COL22A1: variants seen among roughly 807,000 people sequenced by gnomAD.
COL22A1 encodes collagen type XXII alpha 1 chain.
In COL22A1, 221 loss-of-function variants were observed where a neutral mutation model predicts 248.9. The observed-to-expected ratio is 0.89, with a 90% confidence interval of 0.80 to 0.99. The LOEUF (loss-of-function observed/expected upper bound fraction) is 0.99. Ranked by LOEUF, COL22A1 falls within the 50% of genes least tolerant of loss-of-function variation. COL22A1 has a pLI of 0.00. For missense variants in COL22A1, 2,240 were observed against 2,179.0 expected, an observed-to-expected ratio of 1.03 and a Z score of -0.56; for synonymous variants, 891 against 793.4, an observed-to-expected ratio of 1.12 and a Z score of -2.07.
Position 138,589,327 on chromosome 8 carries a change from C to T in COL22A1, c.4807G>A (p.Gly1603Ser). ...PGLPGPPGPP[G>S]QCDPSQCAYF... ...GCACACTGGGAAGGGTCACATTGGC[C>T]TGGGGGACCGGGAGGTCCTGGGAGG... The change falls in exon 65 of 65, where the codon GGC (glycine) becomes AGC (serine). Residue 1603 changes from glycine to serine, a missense_variant. Transcript: ENST00000303045. The T allele has an allele frequency of 6.2e-7, 1 of 1,613,206 alleles. No individual in the cohort carries two copies. The highest frequency in any genetic ancestry group is 8.5e-7 in the Non-Finnish European group (1 of 1,179,590).
intron 5 of COL22A1, among the ~76,000 whole-genome samples, chr8:138,831,169 C>G (rs574066307): frequency 1.3e-5 from 2 of 152,104 alleles, no homozygotes; most frequent in South Asian, 4.1e-4. Flanking sequence ...GTGGCTGGCA[C>G]TCAGAGAATG....
intron 3 of COL22A1, among the ~76,000 whole-genome samples, chr8:138,845,544 T>TA (rs545433861): frequency 1.3e-5 from 2 of 150,750 alleles, no homozygotes; most frequent in Admixed American, 6.6e-5. Context: ...AATAAATAAA[T>TA]AATAAAAAGT....
intron 32 of COL22A1, among the ~76,000 whole-genome samples, chr8:138,697,747 C>T (rs2130953467): frequency 6.6e-6 from 1 of 152,352 alleles, no homozygotes; most frequent in South Asian, 2.1e-4. Flanking sequence ...TCTTCCTGCA[C>T]TGCAGGGGCT....
Position 138,615,990 on chromosome 8 carries a change from A to AC in COL22A1, c.3924+10dup, listed in dbSNP as rs772132477. Reference sequence around the variant, plus strand: ...CCCCAGCCCAGCCAGGTCCCACAGGACCCCACTTACATCTTTTCCTGGTAA... The same window carrying AC: ...CCCCAGCCCAGCCAGGTCCCACAGGACCCCCACTTACATCTTTTCCTGGTAA... On this transcript the variant is annotated intron_variant, in intron 55 of 64. Transcript: ENST00000303045. 20 of 1,608,674 alleles carry AC rather than the reference A, an allele frequency of 1.2e-5. No homozygotes were observed. In the African/African-American group the frequency reaches 1.7e-4, roughly 14 times the overall value.
At chr8:138,831,827 G>A (rs191402455) in intron 5 of COL22A1, among the ~76,000 whole-genome samples, 15 of 152,258 alleles carry the variant, frequency 9.9e-5, no homozygotes, top group East Asian at 5.8e-4. Context: ...AAGAGAGGTC[G>A]CATAACACAA....
At chr8:138,675,892 A>C (rs994285514) in intron 41 of COL22A1, among the ~76,000 whole-genome samples, 1 of 152,180 alleles carries the variant, frequency 6.6e-6, no homozygotes, top group Non-Finnish European at 1.5e-5. Context: ...ATATATTTTT[A>C]AACTGCAGAG....
At chr8:138,708,993 T>C (rs1563646748) in intron 30 of COL22A1, among the ~76,000 whole-genome samples, 1 of 152,176 alleles carries the variant, frequency 6.6e-6, no homozygotes, top group African/African-American at 2.4e-5. Context: ...GAACAGACAC[T>C]TCTCAAAAGA....
At chr8:138,911,471 A>C (rs1815445205) in intron 1 of COL22A1, among the ~76,000 whole-genome samples, 1 of 152,212 alleles carries the variant, frequency 6.6e-6, no homozygotes, top group Admixed American at 6.5e-5. Flanking sequence ...TGATCTTCTA[A>C]CTCAGAGCAA....
At chr8:138,770,104 G>C (rs1373410647) in intron 16 of COL22A1, among the ~76,000 whole-genome samples, 1 of 152,170 alleles carries the variant, frequency 6.6e-6, no homozygotes, top group Non-Finnish European at 1.5e-5. Flanking sequence ...AGGCCAACCA[G>C]GGTGACAGCC....
chr8:138,814,661 G>C (rs1001670998), intron 7 of COL22A1, among the ~76,000 whole-genome samples: 1 of 152,170 alleles, frequency 6.6e-6, no homozygotes, highest in African/African-American at 2.4e-5. Flanking sequence ...GATGACTGTA[G>C]CATTGGCCAG....
chr8:138,798,554 G>GCTCT (rs1390362195), intron 11 of COL22A1, among the ~76,000 whole-genome samples: 3 of 151,986 alleles, frequency 2.0e-5, no homozygotes, highest in African/African-American at 7.2e-5. Flanking sequence ...CTCCTTCTTA[G>GCTCT]CTCTATCCCT....
At chr8:138,632,029 T>C (rs1459842473) in intron 49 of COL22A1, among the ~76,000 whole-genome samples, 1 of 152,218 alleles carries the variant, frequency 6.6e-6, no homozygotes, top group African/African-American at 2.4e-5. Context: ...AGGCAGCAGT[T>C]CTTTAGACAA....
chr8:138,704,462 T>C (rs938862874), intron 30 of COL22A1, among the ~76,000 whole-genome samples: 1 of 152,240 alleles, frequency 6.6e-6, no homozygotes, highest in African/African-American at 2.4e-5. Flanking sequence ...CATTTGCTGT[T>C]CTGCAATATT....
At chr8:138,846,413 C>T (rs150436333) in intron 3 of COL22A1, among the ~76,000 whole-genome samples, 43 of 152,272 alleles carry the variant, frequency 2.8e-4, no homozygotes, top group African/African-American at 8.7e-4. Context: ...GGGAGGACCA[C>T]GCACACAGAA....
chr8:138,881,369 A>T (rs1824190753), intron 2 of COL22A1, among the ~76,000 whole-genome samples: 1 of 150,220 alleles, frequency 6.7e-6, no homozygotes, highest in Non-Finnish European at 1.5e-5. Context: ...TTCTTTTTTA[A>T]GTCCAGGGAG....
chr8:138,686,965 A>G (rs934737527), intron 37 of COL22A1, among the ~76,000 whole-genome samples: 1 of 151,998 alleles, frequency 6.6e-6, no homozygotes, highest in Admixed American at 6.6e-5. Context: ...ATTTATTATT[A>G]TTATTATTTG....
intron 43 of COL22A1, among the ~76,000 whole-genome samples, chr8:138,661,001 T>G (rs1308270207): frequency 3.9e-5 from 2 of 50,672 alleles, no homozygotes; most frequent in Admixed American, 1.8e-4. Flanking sequence ...CACATACACA[T>G]ACACAGACAC....
intron 9 of COL22A1, 60 bp from the exon 10 acceptor site, chr8:138,807,872 C>A: frequency 6.5e-7 from 1 of 1,549,862 alleles, no homozygotes; most frequent in Non-Finnish European, 8.9e-7. Context: ...TTTCTCTCAA[C>A]ACTGGATGGT....
rs11998027 is a variant in COL22A1, at chr8:138,772,026, G to C, written c.1803+3940C>G. Among the ~76,000 whole-genome samples the C allele has an allele frequency of 9.9e-3, 1,511 of 152,312 alleles. 22 individuals are homozygous for C. The highest frequency in any genetic ancestry group is 0.035 in the African/African-American group (1,438 of 41,548). On this transcript the variant is annotated intron_variant, in intron 16 of 64. Coordinates refer to ENST00000303045, the MANE Select transcript of COL22A1 (RefSeq NM_152888.3). ...GATGTTTCCTGGCTCAGGTGAGGTG[G>C]TCCAGGCAGCTTCCTGTTGGCCGTC...
Sources: allele counts gnomAD v4.1 joint callset (sites outside exome capture counted in the v4.1 genomes callset), GRCh38; gene constraint gnomAD v4.1.1; transcripts MANE v1.5; gene names NCBI Gene and HGNC (gene_info 2026-07-23, HGNC 2026-07-21).